Variants in SLIT2 observed in about 807,000 individuals in gnomAD.
SLIT2 encodes slit guidance ligand 2, also known as slit homolog 2 protein.
SLIT2 carries 41 observed loss-of-function variants against 185.7 expected under a neutral mutation model. The ratio of observed to expected loss-of-function variants is 0.22; its 90% CI spans 0.17 to 0.29. The LOEUF (loss-of-function observed/expected upper bound fraction) is 0.29. Among genes scored for constraint, SLIT2 ranks in the 10% least tolerant of loss-of-function variants. The probability of loss-of-function intolerance (pLI) is 1.00; values close to 1 mark genes in which losing one functional copy is unlikely to be tolerated. For synonymous variants in SLIT2, 693 were observed against 680.2 expected (o/e 1.02, Z -0.29); for missense variants, 1,571 against 1,909.0 (o/e 0.82, Z 3.30).
intron 5 of SLIT2, 137 bp from the exon 6 acceptor site, chr4:20,480,579 G>A (rs977200238): frequency 2.7e-5 from 16 of 597,932 alleles, no homozygotes; most frequent in African/African-American, 9.4e-5. Flanking sequence ...TATGACATTC[G>A]TAAGCAGATG....
chr4:20,615,749 G>C (rs1729600794), intron 34 of SLIT2: 1 of 152,242 alleles, frequency 6.6e-6, no homozygotes, highest in Admixed American at 6.5e-5. Flanking sequence ...GACCCAGAGT[G>C]TGCTACAGTT....
At chr4:20,398,102 A>G (rs896307836) in intron 4 of SLIT2, among the ~76,000 whole-genome samples, 1 of 151,838 alleles carries the variant, frequency 6.6e-6, no homozygotes, top group African/African-American at 2.4e-5. Flanking sequence ...CAGGAAAGAA[A>G]GCTCTTAACA....
At chr4:20,433,376 A>G (rs1371854844) in intron 4 of SLIT2, among the ~76,000 whole-genome samples, 2 of 152,362 alleles carry the variant, frequency 1.3e-5, no homozygotes, top group African/African-American at 4.8e-5. Context: ...ACATATTGTT[A>G]ACATATGACA....
Position 20,599,591 on chromosome 4 carries a change from A to G in SLIT2, c.3692+1196A>G, listed in dbSNP as rs374456318. On this transcript the variant is annotated intron_variant, in intron 33 of 36. Transcript: ENST00000504154. ...AATGAACCAATAGTAAATATTTGTC[A>G]AAACAGGATTTCATCTACTCAGTTC... 1.4e-4 allele frequency among the ~76,000 whole-genome samples: 21 copies of G among 152,338 alleles called. 1 individual carries two copies. Among genetic ancestry groups the G allele is most frequent in the African/African-American group, 4.8e-4 (20 of 41,582 alleles).
intron 4 of SLIT2, among the ~76,000 whole-genome samples, chr4:20,387,639 G>A (rs575891395): frequency 4.5e-4 from 68 of 152,228 alleles, no homozygotes; most frequent in African/African-American, 1.5e-3. Flanking sequence ...GTGGTAAAAC[G>A]AGAGGAACTT....
At chr4:20,567,702 G>A in intron 28 of SLIT2, 87 bp downstream of exon 28, 1 of 1,027,708 alleles carries the variant, frequency 9.7e-7, no homozygotes, top group Admixed American at 1.9e-5. Context: ...TCAAATCAAA[G>A]GACAGTATTT....
intron 4 of SLIT2, among the ~76,000 whole-genome samples, chr4:20,291,901 C>CCT (rs1491511475): frequency 9.7e-6 from 1 of 102,882 alleles, no homozygotes; most frequent in African/African-American, 3.8e-5. Flanking sequence ...CTCCTGCACA[C>CCT]CTCTGTGTGT....
chr4:20,514,360 G>T (rs1191599137), intron 11 of SLIT2, among the ~76,000 whole-genome samples: 1 of 152,110 alleles, frequency 6.6e-6, no homozygotes, highest in Non-Finnish European at 1.5e-5. Context: ...AAAAATTTCA[G>T]CCAGGCGTGG....
chr4:20,466,160 T>G (rs1714331212), intron 4 of SLIT2, among the ~76,000 whole-genome samples: 1 of 152,138 alleles, frequency 6.6e-6, no homozygotes, highest in Admixed American at 6.6e-5. Flanking sequence ...TCTCTTTGCT[T>G]TCTCTTTGTT....
intron 6 of SLIT2, 102 bp downstream of exon 6, chr4:20,480,889 A>G (rs1021480712): frequency 1.2e-6 from 1 of 842,420 alleles, no homozygotes. Context: ...TTGTCAAAAT[A>G]GTCTCTCAAG....
At chr4:20,546,738 A>C (rs1306633559) in intron 22 of SLIT2, among the ~76,000 whole-genome samples, 2 of 152,088 alleles carry the variant, frequency 1.3e-5, no homozygotes, top group Non-Finnish European at 2.9e-5. Context: ...TGTAAATACA[A>C]GAAGATATTT....
intron 32 of SLIT2, among the ~76,000 whole-genome samples, chr4:20,597,374 C>T (rs909993975): frequency 2.2e-4 from 33 of 152,070 alleles, no homozygotes; most frequent in African/African-American, 7.7e-4. Flanking sequence ...AGCCAACCAG[C>T]ACCTTTTAAC....
At chr4:20,487,574 T>G (rs1038878688) in intron 7 of SLIT2, among the ~76,000 whole-genome samples, 3 of 152,180 alleles carry the variant, frequency 2.0e-5, no homozygotes, top group Non-Finnish European at 4.4e-5. Context: ...TGTGCTTGGT[T>G]TAGACGGAAA....
intron 4 of SLIT2, among the ~76,000 whole-genome samples, chr4:20,292,555 A>G (rs935664895): frequency 2.6e-5 from 4 of 152,270 alleles, no homozygotes; most frequent in African/African-American, 9.6e-5. Context: ...ACTCTGACAT[A>G]GTACTAGGTA....
chr4:20,428,494 A>G (rs1728725192), intron 4 of SLIT2, among the ~76,000 whole-genome samples: 2 of 152,236 alleles, frequency 1.3e-5, no homozygotes, highest in African/African-American at 4.8e-5. Context: ...TATTTGTGTG[A>G]GGGGAATTGA....
At chr4:20,581,121 G>C (rs928616556) in intron 29 of SLIT2, among the ~76,000 whole-genome samples, 1 of 152,144 alleles carries the variant, frequency 6.6e-6, no homozygotes, top group Admixed American at 6.5e-5. Context: ...TTGTCTTACA[G>C]TTCTGGAGGC....
chr4:20,463,496 T>G (rs1309079331), intron 4 of SLIT2, among the ~76,000 whole-genome samples: 3 of 126,530 alleles, frequency 2.4e-5, no homozygotes, highest in African/African-American at 8.7e-5. Context: ...TATATATGTG[T>G]GTGTGCGTAT....
rs528828017 is a variant in SLIT2, at chr4:20,481,131, G to T, written c.539+344G>T. Reference sequence around the variant, plus strand: ...AAACCTCTTAGTAGCTGATATCTTGGAATAATTTGTCGTTGTTAGGCAATG... The same window carrying T: ...AAACCTCTTAGTAGCTGATATCTTGTAATAATTTGTCGTTGTTAGGCAATG... On this transcript the variant is annotated intron_variant, in intron 6 of 36. Coordinates refer to ENST00000504154, the MANE Select transcript of SLIT2 (RefSeq NM_004787.4). Among the ~76,000 whole-genome samples, 14 of 151,942 alleles carry T rather than the reference G, an allele frequency of 9.2e-5. No individual in the cohort carries two copies. In the East Asian group the frequency reaches 2.7e-3, roughly 29 times the overall value.
At chr4:20,499,056 C>G (rs941438565) in intron 9 of SLIT2, among the ~76,000 whole-genome samples, 3 of 152,190 alleles carry the variant, frequency 2.0e-5, no homozygotes, top group African/African-American at 7.2e-5. Flanking sequence ...TAAGCATTCC[C>G]TTTTCTCTGC....
Sources: gnomAD v4.1 joint callset for allele counts (sites outside exome capture counted in the v4.1 genomes callset) on GRCh38, gnomAD v4.1.1 for gene constraint, MANE v1.5 for transcripts, NCBI Gene and HGNC (gene_info 2026-07-23, HGNC 2026-07-21) for gene names.